The following ETV6 variants were observed in gnomAD, a reference collection of about 807,000 sequenced individuals.
ETV6 encodes ETS variant transcription factor 6.
In ETV6, 16 loss-of-function variants were observed where a neutral mutation model predicts 51.1. That is an observed-to-expected ratio of 0.31 (90% CI 0.21 to 0.48). The LOEUF is 0.48. Among genes scored for constraint, ETV6 ranks in the 20% least tolerant of loss-of-function variants. The pLI is 0.99. For missense variants in ETV6, 458 were observed against 594.8 expected, an observed-to-expected ratio of 0.77 and a Z score of 2.39; for synonymous variants, 240 against 224.1, an observed-to-expected ratio of 1.07 and a Z score of -0.64.
At chr12:11,679,399 C>T (rs1255045416) in intron 1 of ETV6, among the ~76,000 whole-genome samples, 1 of 152,196 alleles carries the variant, frequency 6.6e-6, no homozygotes, top group African/African-American at 2.4e-5. Flanking sequence ...GTTCTTAGTG[C>T]TCGATAAATG....
Position 11,869,568 on chromosome 12 carries a change from C to A in ETV6, c.608C>A (p.Ser203Tyr). 1 of 1,614,104 alleles carries A rather than the reference C, an allele frequency of 6.2e-7. No homozygotes were observed. Among genetic ancestry groups the A allele is most frequent in the East Asian group, 2.2e-5 (1 of 44,870 alleles). The change falls in exon 5 of 8, where the codon TCC becomes TAC. Residue 203 changes from serine to tyrosine, a missense_variant. By Grantham distance (144) the Ser-to-Tyr change is moderately radical. Transcript: ENST00000396373. This position sits in a 1 kb window ranked among gnomAD's most constrained non-coding sequence, Gnocchi z 5.0. ...GACCCCGAGCAGCGGCCCCTCCGGTCCCCCCTGGACAACATGATCCGCCGC... is the reference window on the plus strand; with the variant it reads ...GACCCCGAGCAGCGGCCCCTCCGGTACCCCCTGGACAACATGATCCGCCGC... Reference protein sequence around the residue: ...SPDPEQRPLRSPLDNMIRRLS... With the variant: ...SPDPEQRPLRYPLDNMIRRLS...
rs145925415 is a variant in ETV6 at position 11,850,572 on chromosome 12, T to G, written c.329-2855T>G. On this transcript the variant is annotated intron_variant, in intron 3 of 7. Coordinates refer to ENST00000396373, the MANE Select transcript of ETV6 (RefSeq NM_001987.5). ...GTGGTGGTGGTGGTAGTGGTGGTGG[T>G]AGTAAAATCAATGACTAGTGTTTAC... Among the ~76,000 whole-genome samples, 204 of 152,278 alleles carry G rather than the reference T, an allele frequency of 1.3e-3. 2 individuals are homozygous for G. Among genetic ancestry groups the G allele is most frequent in the African/African-American group, 4.8e-3 (199 of 41,556 alleles).
At chr12:11,674,745 T>C (rs1400553952) in intron 1 of ETV6, among the ~76,000 whole-genome samples, 2 of 151,606 alleles carry the variant, frequency 1.3e-5, no homozygotes, top group Non-Finnish European at 2.9e-5. Context: ...AGCATGAGTG[T>C]CCACCACCTA....
chr12:11,759,409 G>A (rs2136335119), intron 2 of ETV6, among the ~76,000 whole-genome samples: 1 of 152,178 alleles, frequency 6.6e-6, no homozygotes, highest in Admixed American at 6.5e-5. Flanking sequence ...TGTTGACAAT[G>A]GGTTGTCCCT....
At chr12:11,769,118 G>A (rs1945204769) in intron 2 of ETV6, among the ~76,000 whole-genome samples, 1 of 152,170 alleles carries the variant, frequency 6.6e-6, no homozygotes, top group Non-Finnish European at 1.5e-5. Context: ...AGTAATTACA[G>A]GAGGTAAATA....
At chr12:11,697,552 C>G (rs1864899589) in intron 1 of ETV6, among the ~76,000 whole-genome samples, 1 of 152,140 alleles carries the variant, frequency 6.6e-6, no homozygotes, top group African/African-American at 2.4e-5. Flanking sequence ...AAGGACCTGT[C>G]TTACTTTTTA....
intron 2 of ETV6, 119 bp downstream of exon 2, chr12:11,752,698 C>A: frequency 1.5e-6 from 2 of 1,325,754 alleles, no homozygotes; most frequent in Non-Finnish European, 2.0e-6. Flanking sequence ...GACTTCGCCA[C>A]GCTGCTTTGG....
chr12:11,678,232 G>A (rs1033329158), intron 1 of ETV6, among the ~76,000 whole-genome samples: 1 of 152,144 alleles, frequency 6.6e-6, no homozygotes, highest in East Asian at 1.9e-4. Context: ...AGCAAATCTC[G>A]GCAATATCAC....
At chr12:11,692,950 G>A (rs1157808150) in intron 1 of ETV6, among the ~76,000 whole-genome samples, 1 of 152,156 alleles carries the variant, frequency 6.6e-6, no homozygotes, top group Non-Finnish European at 1.5e-5. Context: ...TAAGGTGGGA[G>A]AATCACCTGA....
chr12:11,829,144 T>A (rs1180715439), intron 2 of ETV6, among the ~76,000 whole-genome samples: 1 of 152,208 alleles, frequency 6.6e-6, no homozygotes, highest in African/African-American at 2.4e-5. Flanking sequence ...AGAGCCGTCA[T>A]GCACCTTCCA....
chr12:11,857,074 A>G (rs1402638134), intron 4 of ETV6, among the ~76,000 whole-genome samples: 1 of 152,242 alleles, frequency 6.6e-6, no homozygotes. Flanking sequence ...TGCACGGTCA[A>G]GTGCAAACAG....
chr12:11,891,682 C>G lies in ETV6; in HGVS notation c.*636C>G, dbSNP rs527307989. The G allele has an allele frequency of 3.0e-5, 15 of 492,226 alleles. No individual in the cohort carries two copies. In the East Asian group the frequency reaches 6.1e-4, roughly 20 times the overall value. The allele number at this position is 492,226 out of a possible 1,614,324, so 30.5% of individuals were successfully genotyped here. ...TCTCTTGCTCTGTTCTTCCCTTGGT[C>G]CCCTCTGTCCTCCCGCCCTGCCTGC... On this transcript the variant is annotated 3_prime_UTR_variant, in exon 8 of 8. Transcript: ENST00000396373.
intron 2 of ETV6, among the ~76,000 whole-genome samples, chr12:11,796,279 GA>G (rs1945675612): frequency 1.3e-5 from 2 of 152,032 alleles, no homozygotes; most frequent in African/African-American, 4.8e-5. Flanking sequence ...TGCCGGAAAG[GA>G]AAAAAACAAC....
rs142401415 is a variant in ETV6 at position 11,849,019 on chromosome 12, A to G, written c.329-4408A>G. 1.8e-3 allele frequency among the ~76,000 whole-genome samples: 274 copies of G among 152,370 alleles called. 1 individual carries two copies. The highest frequency in any genetic ancestry group is 6.4e-3 in the African/African-American group (266 of 41,584). On this transcript the variant is annotated intron_variant, in intron 3 of 7. Coordinates refer to ENST00000396373, the MANE Select transcript of ETV6 (RefSeq NM_001987.5). ...TTCAGCCATTAGCTAAGTTAGATAT[A>G]CAGTGCTGTGGCGCATGCTCTTTAT... is the stretch of plus-strand genomic sequence containing the variant.
At chr12:11,758,772 G>A (rs145646479) in intron 2 of ETV6, among the ~76,000 whole-genome samples, 1 of 152,348 alleles carries the variant, frequency 6.6e-6, no homozygotes, top group African/African-American at 2.4e-5. Flanking sequence ...CAGCAGAGTT[G>A]AGACAAGGAC....
At chr12:11,703,807 G>A (rs776735490) in intron 1 of ETV6, among the ~76,000 whole-genome samples, 2 of 152,160 alleles carry the variant, frequency 1.3e-5, no homozygotes, top group Non-Finnish European at 1.5e-5. Context: ...TCTTAATTAT[G>A]TAATTCCTTT....
At chr12:11,671,579 T>C (rs1864316513) in intron 1 of ETV6, among the ~76,000 whole-genome samples, 2 of 152,184 alleles carry the variant, frequency 1.3e-5, no homozygotes, top group South Asian at 2.1e-4. Context: ...AATCATTACA[T>C]GTACCCTGAA....
chr12:11,777,008 GC>G (rs1945335990), intron 2 of ETV6, among the ~76,000 whole-genome samples: 1 of 152,184 alleles, frequency 6.6e-6, no homozygotes, highest in Non-Finnish European at 1.5e-5. Flanking sequence ...GGAGGCCAAG[GC>G]GGGTGGATCA....
intron 2 of ETV6, among the ~76,000 whole-genome samples, chr12:11,833,318 A>G (rs1210713146): frequency 6.6e-6 from 1 of 152,196 alleles, no homozygotes; most frequent in Non-Finnish European, 1.5e-5. Flanking sequence ...ATTCAATGAT[A>G]TTTAATTCAC....
Sources: gnomAD v4.1 joint callset for allele counts (sites outside exome capture counted in the v4.1 genomes callset) on GRCh38, gnomAD v4.1.1 for gene constraint, Gnocchi (gnomAD v3.1) non-coding constraint, MANE v1.5 for transcripts, NCBI Gene and HGNC (gene_info 2026-07-23, HGNC 2026-07-21) for gene names.